The following MOB3B variants were observed in gnomAD, a reference collection of about 807,000 sequenced individuals.
MOB3B encodes the protein MOB kinase activator-like 2B.
MOB3B carries 7 observed loss-of-function variants against 18.7 expected under a neutral mutation model. The ratio of observed to expected loss-of-function variants is 0.37; its 90% CI spans 0.21 to 0.70. The LOEUF is 0.70. Among genes scored for constraint, MOB3B ranks in the 30% least tolerant of loss-of-function variants. MOB3B has a pLI of 0.52. For missense variants in MOB3B, 253 were observed against 281.3 expected, an observed-to-expected ratio of 0.90 and a Z score of 0.72; for synonymous variants, 111 against 99.9, an observed-to-expected ratio of 1.11 and a Z score of -0.66.
At chr9:27,516,438 C>G (rs774353) in intron 1 of MOB3B, among the ~76,000 whole-genome samples, 44,260 of 151,956 alleles carry the variant, frequency 0.29, 6,589 homozygotes, top group Middle Eastern at 0.36. Context: ...TTTGACCATA[C>G]TCTTCAATGA....
intron 2 of MOB3B, among the ~76,000 whole-genome samples, chr9:27,425,392 A>AAACAAC (rs58103254): frequency 1.3e-4 from 19 of 151,372 alleles, no homozygotes; most frequent in Non-Finnish European, 1.2e-4. Flanking sequence ...AAAAAAAACA[A>AAACAAC]AACAACAACA....
chr9:27,525,789 G>C (rs191682363), intron 1 of MOB3B, among the ~76,000 whole-genome samples: 2 of 152,280 alleles, frequency 1.3e-5, no homozygotes, highest in African/African-American at 4.8e-5. Flanking sequence ...TTTTACATTA[G>C]ATTTTCCTAG....
chr9:27,398,562 T>C (rs776949220), intron 2 of MOB3B, among the ~76,000 whole-genome samples: 2 of 152,152 alleles, frequency 1.3e-5, no homozygotes, highest in Non-Finnish European at 2.9e-5. Flanking sequence ...TCATGGAGAA[T>C]CTCAAACCAG....
intron 3 of MOB3B, among the ~76,000 whole-genome samples, chr9:27,353,549 G>A (rs1254846354): frequency 3.9e-5 from 6 of 152,176 alleles, no homozygotes; most frequent in Non-Finnish European, 8.8e-5. Context: ...GTAGGTGGTG[G>A]TATAATCACT....
At chr9:27,385,189 T>C (rs777666644) in intron 2 of MOB3B, among the ~76,000 whole-genome samples, 9 of 152,370 alleles carry the variant, frequency 5.9e-5, no homozygotes, top group Non-Finnish European at 1.3e-4. Flanking sequence ...CGGAATTTCC[T>C]CTGTAGGGTT....
chr9:27,474,451 C>T (rs1311328731), intron 1 of MOB3B, among the ~76,000 whole-genome samples: 1 of 152,200 alleles, frequency 6.6e-6, no homozygotes. Flanking sequence ...TTCCTCTCAT[C>T]AAGGCTGGCT....
rs573378986 is a variant in MOB3B, at chr9:27,445,042, G to A, written c.418+10091C>T. 9.5e-4 allele frequency among the ~76,000 whole-genome samples: 144 copies of A among 152,228 alleles called. 1 individual carries two copies. Among genetic ancestry groups the A allele is most frequent in the African/African-American group, 3.2e-3 (133 of 41,534 alleles). ...CTGGAACTGTGACATGATCAATAGCGTCTCTCCATTTTTTCTTCAGCTGGT... is the reference window on the plus strand; with the variant it reads ...CTGGAACTGTGACATGATCAATAGCATCTCTCCATTTTTTCTTCAGCTGGT... On this transcript the variant is annotated intron_variant, in intron 2 of 3. Transcript: ENST00000262244.
chr9:27,341,021 G>C (rs1820932862), intron 3 of MOB3B, among the ~76,000 whole-genome samples: 3 of 152,222 alleles, frequency 2.0e-5, no homozygotes. Context: ...ATGGCCCAAT[G>C]CCCCCTGTAG....
intron 3 of MOB3B, among the ~76,000 whole-genome samples, chr9:27,335,737 T>C (rs1353907206): frequency 2.6e-5 from 4 of 152,162 alleles, no homozygotes; most frequent in Non-Finnish European, 5.9e-5. Context: ...TGACCAGTTG[T>C]CATCTCCTTA....
intron 2 of MOB3B, among the ~76,000 whole-genome samples, chr9:27,363,891 G>A (rs529437070): frequency 1.3e-5 from 2 of 152,184 alleles, no homozygotes; most frequent in South Asian, 2.1e-4. Context: ...ACAGGCATGC[G>A]CCACCATGCC....
intron 1 of MOB3B, 146 bp from the exon 2 acceptor site, chr9:27,455,894 G>T: frequency 2.9e-6 from 2 of 698,526 alleles, no homozygotes; most frequent in Non-Finnish European, 4.0e-6. Flanking sequence ...CCACTGCCCT[G>T]TGACTCTGTA....
chr9:27,392,609 C>A (rs146376231), intron 2 of MOB3B, among the ~76,000 whole-genome samples: 1 of 152,154 alleles, frequency 6.6e-6, no homozygotes, highest in Admixed American at 6.5e-5. Context: ...CAATCCTTTA[C>A]ATGAACAACT....
At chr9:27,388,589 G>T (rs1029380712) in intron 2 of MOB3B, among the ~76,000 whole-genome samples, 3 of 152,016 alleles carry the variant, frequency 2.0e-5, no homozygotes, top group Non-Finnish European at 4.4e-5. Flanking sequence ...TGTACCCAAG[G>T]TGTGGTCTTT....
At chr9:27,396,040 C>A (rs1201487865) in intron 2 of MOB3B, among the ~76,000 whole-genome samples, 6 of 152,012 alleles carry the variant, frequency 3.9e-5, no homozygotes, top group East Asian at 1.9e-4. Flanking sequence ...GCACAAGGTG[C>A]CTGGCCACTT....
At chr9:27,347,545 G>T in intron 3 of MOB3B, among the ~76,000 whole-genome samples, 1 of 152,220 alleles carries the variant, frequency 6.6e-6, no homozygotes, top group Non-Finnish European at 1.5e-5. Flanking sequence ...GTAGGGTGGT[G>T]ATCGCTGCCA....
At chr9:27,455,798 A>T in intron 1 of MOB3B, 50 bp from the exon 2 acceptor site, 1 of 1,380,662 alleles carries the variant, frequency 7.2e-7, no homozygotes, top group Non-Finnish European at 9.4e-7. Context: ...TTCGCCTTTA[A>T]AAAATGACAG....
chr9:27,402,629 A>C (rs1587184824), intron 2 of MOB3B, among the ~76,000 whole-genome samples: 10 of 152,372 alleles, frequency 6.6e-5, no homozygotes, highest in African/African-American at 2.2e-4. Flanking sequence ...CTAAGTTAAC[A>C]AAAATTGCTA....
At chr9:27,520,092 C>A (rs1820300947) in intron 1 of MOB3B, among the ~76,000 whole-genome samples, 1 of 152,160 alleles carries the variant, frequency 6.6e-6, no homozygotes, top group Admixed American at 6.5e-5. Flanking sequence ...CAATGTGTTA[C>A]TCTCGTCCTG....
At chr9:27,422,804 T>C (rs1822274927) in intron 2 of MOB3B, among the ~76,000 whole-genome samples, 1 of 152,246 alleles carries the variant, frequency 6.6e-6, no homozygotes, top group Admixed American at 6.5e-5. Flanking sequence ...TGTACTGTGA[T>C]CTTTAAAATT....
Sources: gnomAD v4.1 joint callset for allele counts (sites outside exome capture counted in the v4.1 genomes callset) on GRCh38, gnomAD v4.1.1 for gene constraint, MANE v1.5 for transcripts, NCBI Gene and HGNC (gene_info 2026-07-23, HGNC 2026-07-21) for gene names.